DNAH17: variants seen among roughly 807,000 people sequenced by gnomAD.
DNAH17 encodes the protein axonemal beta dynein heavy chain 17.
DNAH17 carries 376 observed loss-of-function variants against 485.6 expected under a neutral mutation model. The observed-to-expected ratio is 0.77, with a 90% confidence interval of 0.71 to 0.84. The LOEUF is 0.84. DNAH17 is among the 40% of genes least tolerant of loss of function. DNAH17 has a pLI of 0.00. For missense variants in DNAH17, 6,370 were observed against 5,839.3 expected (o/e 1.09, Z -2.96); for synonymous variants, 3,031 against 2,405.9 (o/e 1.26, Z -7.60).
chr17:78,514,915 G>C lies in DNAH17; in HGVS notation c.3972C>G (p.Asp1324Glu). 1 of 1,614,050 alleles carries C rather than the reference G, an allele frequency of 6.2e-7. No individual in the cohort carries two copies. Among genetic ancestry groups the C allele is most frequent in the Non-Finnish European group, 8.5e-7 (1 of 1,179,906 alleles). ...KKFAKDMRSL[D>E]KEMKTWDAFV... ...AGGCATCCCAGGTTTTCATCTCCTTGTCCAAAGACCTCATGTCCTTGGCAA... is the reference window on the plus strand; with the variant it reads ...AGGCATCCCAGGTTTTCATCTCCTTCTCCAAAGACCTCATGTCCTTGGCAA... Residue 1324 changes from aspartate (D) to glutamate (E), a missense_variant, in exon 26 of 81, where the codon GAC becomes GAG. Coordinates refer to ENST00000389840, the MANE Select transcript of DNAH17 (RefSeq NM_173628.4).
chr17:78,427,223 G>C (rs2086507108), intron 77 of DNAH17, 115 bp from the exon 78 acceptor site: 1 of 1,037,570 alleles, frequency 9.6e-7, no homozygotes, highest in African/African-American at 1.6e-5. Flanking sequence ...GAGGAGGGAA[G>C]AGGCAAGTAG....
intron 75 of DNAH17, among the ~76,000 whole-genome samples, chr17:78,431,590 A>G (rs909083203): frequency 6.6e-6 from 1 of 152,024 alleles, no homozygotes; most frequent in Non-Finnish European, 1.5e-5. Context: ...CTATTTCCTC[A>G]GAGCCCAGAC....
chr17:78,560,718 G>C (rs142128078), intron 13 of DNAH17, 22 bp downstream of exon 13: 12 of 1,533,542 alleles, frequency 7.8e-6, no homozygotes, highest in African/African-American at 4.1e-5. Context: ...CCTTTGACGC[G>C]GTCCCCACTC....
chr17:78,510,598 G>C (rs979860317), intron 26 of DNAH17, 92 bp from the exon 27 acceptor site: 28 of 1,541,936 alleles, frequency 1.8e-5, no homozygotes, highest in Non-Finnish European at 2.4e-5. Flanking sequence ...AGCCATTGCC[G>C]GGGCACGATC....
intron 11 of DNAH17, among the ~76,000 whole-genome samples, chr17:78,564,997 TC>T (rs760988272): frequency 1.8e-4 from 28 of 152,166 alleles, no homozygotes; most frequent in Non-Finnish European, 3.4e-4. Flanking sequence ...GTCTCCATCC[TC>T]CACCATCCCG....
chr17:78,563,496 A>T (rs938470002), intron 11 of DNAH17, among the ~76,000 whole-genome samples: 2 of 139,278 alleles, frequency 1.4e-5, no homozygotes, highest in African/African-American at 5.2e-5. Flanking sequence ...AACCCCAAAA[A>T]CCTGAAGACC....
chr17:78,538,802 G>A (rs1251838718), intron 18 of DNAH17, among the ~76,000 whole-genome samples: 1 of 152,210 alleles, frequency 6.6e-6, no homozygotes, highest in African/African-American at 2.4e-5. Flanking sequence ...CCATATGCCA[G>A]ACTCAAACAC....
At position 78,455,607 on chromosome 17, in the gene DNAH17, G is replaced by A. The variant is rs529136401; in HGVS notation, c.10170+37C>T. 106 of 1,468,710 alleles carry A rather than the reference G, an allele frequency of 7.2e-5. 1 individual carries two copies. In the East Asian group the frequency reaches 2.3e-3, roughly 31 times the overall value. 91.0% of individuals were successfully genotyped at this position (1,468,710 alleles called of 1,614,324 possible). On this transcript the variant is annotated intron_variant, in intron 63 of 80. Coordinates refer to ENST00000389840, the MANE Select transcript of DNAH17 (RefSeq NM_173628.4). ...CTCCCAAAGTGCTGGCATTACAGGC[G>A]TGAGCCACCGCGCCTGGCCAGGACT...
rs1289297447 is a variant in DNAH17, at chr17:78,449,583, G to C, written c.11042C>G (p.Ala3681Gly). ...INPVYQFSLK[A>G]FNVVFEKAIQ... Reference sequence around the variant, plus strand: ...GGCTTTCTCAAACACCACGTTGAAGGCCTGGGGATCCGCCACCGAGAGCCA... The same window carrying C: ...GGCTTTCTCAAACACCACGTTGAAGCCCTGGGGATCCGCCACCGAGAGCCA... Residue 3681 changes from alanine (A) to glycine (G), a missense_variant and splice_region_variant, in exon 69 of 81, where the codon GCC (alanine) becomes GGC (glycine). Coordinates refer to ENST00000389840, the MANE Select transcript of DNAH17 (RefSeq NM_173628.4). 1 of 1,590,580 alleles carries C rather than the reference G, an allele frequency of 6.3e-7. No individual in the cohort carries two copies. Among genetic ancestry groups the C allele is most frequent in the Non-Finnish European group, 8.6e-7 (1 of 1,166,620 alleles).
rs545976849 is a variant in DNAH17 at position 78,570,590 on chromosome 17, T to C, written c.919-218A>G. ...GAAACAAGACCCAGGCCGGGCGTGG[T>C]GGCTCACGCCTGTAATCCCAGCACT... is the stretch of plus-strand genomic sequence containing the variant. On this transcript the variant is annotated intron_variant, in intron 6 of 80. Transcript: ENST00000389840. Among the ~76,000 whole-genome samples the C allele has an allele frequency of 4.1e-4, 63 of 152,032 alleles. No individual in the cohort carries two copies. The East Asian group carries it at 0.012, about 29-fold the overall frequency.
Position 78,437,709 on chromosome 17 carries a change from T to G in DNAH17, c.11965A>C (p.Lys3989Gln). Residue 3989 changes from lysine to glutamine, a missense_variant, in exon 74 of 81, where the codon AAG (lysine) becomes CAG (glutamine). Lys to Gln is a moderately conservative substitution (Grantham distance 53). Transcript: ENST00000389840. ...CCCGTGGGGGGCTCGTTGGTGATCT[T>G]GATGGCGTTCTCCAGAATGCCCTGG... The part of the protein sequence containing the change: ...IPQGILENAI[K>Q]ITNEPPTGMH... 1 of 1,612,294 alleles carries G rather than the reference T, an allele frequency of 6.2e-7. No individual in the cohort carries two copies. The highest frequency in any genetic ancestry group is 2.2e-5 in the East Asian group (1 of 44,864).
At position 78,551,625 on chromosome 17, in the gene DNAH17, G is replaced by A. The variant is rs2091903886; in HGVS notation, c.2301C>T (p.Tyr767=). 1.9e-6 allele frequency: 3 copies of A among 1,613,918 alleles called. No homozygotes were observed. Among genetic ancestry groups the A allele is most frequent in the Non-Finnish European group, 2.5e-6 (3 of 1,179,844 alleles). Residue 767 remains tyrosine, a synonymous_variant, in exon 16 of 81, where the codon TAC becomes TAT. Transcript: ENST00000389840. ...LFWNGEGVFQ[Y]IQEVREILHN... Reference sequence around the variant, plus strand: ...GCAGAATTTCTCGCACCTCTTGAATGTACTGAAACACACCTAAAATGGAAA... The same window carrying A: ...GCAGAATTTCTCGCACCTCTTGAATATACTGAAACACACCTAAAATGGAAA...
intron 49 of DNAH17, 101 bp downstream of exon 49, chr17:78,480,583 C>G: frequency 1.1e-6 from 1 of 948,002 alleles, no homozygotes; most frequent in Admixed American, 3.4e-5. Flanking sequence ...AAATGTCGGC[C>G]TGCAGCCCTA....
In DNAH17 at chr17:78,554,436, C is replaced by CA. The variant is rs55701739; in HGVS notation, c.2179-1632dup. ...TGGACAATAGAATGAGACTCTGTCT[C>CA]AAAAAAAAAAAAAAAAAAAAAAAAA... On this transcript the variant is annotated intron_variant, in intron 14 of 80. Transcript: ENST00000389840. 2.2e-3 allele frequency among the ~76,000 whole-genome samples: 70 copies of CA among 32,262 alleles called. 16 individuals are homozygous for CA. Among genetic ancestry groups the CA allele is most frequent in the South Asian group, 3.2e-3 (2 of 632 alleles). The allele number at this position is 32,262 out of a possible 152,430, so 21.2% of individuals were successfully genotyped here.
intron 18 of DNAH17, among the ~76,000 whole-genome samples, chr17:78,538,713 C>A (rs1276343795): frequency 6.6e-6 from 1 of 152,192 alleles, no homozygotes; most frequent in African/African-American, 2.4e-5. Context: ...GACGCTTTCA[C>A]TGGGACAGTC....
At position 78,480,753 on chromosome 17, in the gene DNAH17, G is replaced by A. The variant is rs747952227; in HGVS notation, c.7683C>T (p.Ile2561=). 8 of 1,613,618 alleles carry A rather than the reference G, an allele frequency of 5.0e-6. No homozygotes were observed. Among genetic ancestry groups the A allele is most frequent in the African/African-American group, 1.3e-5 (1 of 74,900 alleles). ...YDRHKLTLKD[I]HNCQYVACMN... is the part of the protein sequence containing the mutation. ...TGCAGGCCACGTACTGACAATTATG[G>A]ATATCTTTTAACGTCAGCTTATGTC... The change falls in exon 49 of 81, where the codon ATC becomes ATT. Residue 2561 remains isoleucine, a synonymous_variant. Transcript: ENST00000389840.
chr17:78,475,561 T>C (rs901203904), intron 53 of DNAH17, 92 bp from the exon 54 acceptor site: 9 of 1,600,462 alleles, frequency 5.6e-6, no homozygotes, highest in Non-Finnish European at 6.8e-6. Context: ...AGGTGTGCAC[T>C]GTGTGCCACG....
At chr17:78,443,293 G>T (rs976703444) in intron 71 of DNAH17, among the ~76,000 whole-genome samples, 1 of 152,174 alleles carries the variant, frequency 6.6e-6, no homozygotes, top group Admixed American at 6.5e-5. Context: ...GGGTGATCCC[G>T]CTGCGATGGC....
At chr17:78,484,739 A>ACCCCCCAGGCC in intron 48 of DNAH17, 129 bp downstream of exon 48, 3 of 347,794 alleles carry the variant, frequency 8.6e-6, no homozygotes, top group Non-Finnish European at 1.4e-5. Flanking sequence ...ACGTTGCAGC[A>ACCCCCCAGGCC]CCCCCCCCAC....
Sources: gnomAD v4.1 joint callset for allele counts (sites outside exome capture counted in the v4.1 genomes callset) on GRCh38, gnomAD v4.1.1 for gene constraint, MANE v1.5 for transcripts, NCBI Gene and HGNC (gene_info 2026-07-23, HGNC 2026-07-21) for gene names.